Variants in GPR89B observed in about 807,000 individuals in gnomAD.
The protein encoded by GPR89B is G protein-coupled receptor 89B.
GPR89B carries 25 observed loss-of-function variants against 52.4 expected under a neutral mutation model. The observed-to-expected ratio is 0.48, with a 90% CI of 0.35 to 0.67. The LOEUF (loss-of-function observed/expected upper bound fraction) is 0.67, where lower values mean the gene tolerates loss of function less well. Ranked by LOEUF, GPR89B falls within the 30% of genes least tolerant of loss-of-function variation. GPR89B has a pLI of 0.01. For synonymous variants in GPR89B, 52 were observed against 151.2 expected, an observed-to-expected ratio of 0.34 and a Z score of 4.81; for missense variants, 146 against 450.2, an observed-to-expected ratio of 0.32 and a Z score of 6.11.
intron 7 of GPR89B, among the ~76,000 whole-genome samples, chr1:147,955,498 G>T (rs1656051097): frequency 6.6e-6 from 1 of 151,896 alleles, no homozygotes; most frequent in African/African-American, 2.4e-5. Context: ...TTTCCATAGG[G>T]TTGTGCTAAT....
intron 10 of GPR89B, among the ~76,000 whole-genome samples, chr1:147,985,210 G>GGTCATTTC (rs1658577674): frequency 6.6e-6 from 1 of 151,924 alleles, no homozygotes; most frequent in African/African-American, 2.4e-5. Context: ...ATTCTGAAAT[G>GGTCATTTC]ACCCTTTTAA....
At chr1:147,997,679 C>G (rs1485872631), downstream of GPR89B, among the ~76,000 whole-genome samples, 4 of 152,016 alleles carry the variant, frequency 2.6e-5, no homozygotes, top group Non-Finnish European at 5.9e-5. Flanking sequence ...CCTCTCATAC[C>G]TGTATCTATA....
chr1:147,989,750 A>G (rs1658921399), intron 12 of GPR89B, among the ~76,000 whole-genome samples: 1 of 152,166 alleles, frequency 6.6e-6, no homozygotes, highest in Non-Finnish European at 1.5e-5. Context: ...GTCCCTACAA[A>G]GGACATGAAC....
At chr1:147,968,661 T>C (rs1274305299) in intron 8 of GPR89B, 29 of 629,074 alleles carry the variant, frequency 4.6e-5, no homozygotes, top group Non-Finnish European at 7.4e-5. Flanking sequence ...GGTAATTGTT[T>C]GGTGGCGATG....
intron 12 of GPR89B, among the ~76,000 whole-genome samples, chr1:147,989,425 T>C (rs1658895670): frequency 1.3e-5 from 2 of 151,192 alleles, no homozygotes; most frequent in African/African-American, 2.5e-5. Flanking sequence ...TTCAACTATT[T>C]TCTTTTTTTT....
At chr1:147,956,640 T>C (rs1197528807) in intron 7 of GPR89B, among the ~76,000 whole-genome samples, 1 of 151,870 alleles carries the variant, frequency 6.6e-6, no homozygotes, top group Non-Finnish European at 1.5e-5. Flanking sequence ...ACAACATTAA[T>C]AGAAGAAATT....
chr1:147,996,636 T>G, downstream of GPR89B: 4 of 1,611,740 alleles, frequency 2.5e-6, no homozygotes, highest in South Asian at 4.4e-5. Context: ...TCCTCTGTAG[T>G]ATCTGGTGGA....
the GPR89B span, among the ~76,000 whole-genome samples, chr1:148,009,150 A>G: frequency 6.6e-6 from 1 of 151,422 alleles, no homozygotes; most frequent in Non-Finnish European, 1.5e-5. Flanking sequence ...TCCCTCCCCC[A>G]TTGCACAACT....
chr1:147,992,434 A>ATTTCTTACTG (rs1398238400), intron 12 of GPR89B, 68 bp from the exon 13 acceptor site: 2 of 1,528,526 alleles, frequency 1.3e-6, no homozygotes, highest in African/African-American at 2.8e-5. Flanking sequence ...TGTTAACCAT[A>ATTTCTTACTG]TTTCTTACTG....
chr1:147,961,605 G>A (rs1656572208), intron 7 of GPR89B, among the ~76,000 whole-genome samples: 1 of 152,120 alleles, frequency 6.6e-6, no homozygotes, highest in Non-Finnish European at 1.5e-5. Context: ...AGGAGTTTGA[G>A]TGCAGCCTGA....
intron 3 of GPR89B, among the ~76,000 whole-genome samples, chr1:147,942,272 A>C (rs1329178207): frequency 3.3e-5 from 5 of 150,180 alleles, no homozygotes; most frequent in Non-Finnish European, 5.9e-5. Context: ...ACCACTTCAC[A>C]CCAACTAAAA....
chr1:148,007,077 C>CTTT, the GPR89B span, among the ~76,000 whole-genome samples: 1 of 136,578 alleles, frequency 7.3e-6, no homozygotes, highest in Non-Finnish European at 1.6e-5. Context: ...GCATTTTTGG[C>CTTT]TTTTTTTTTT....
chr1:147,932,395 C>T (rs1157057777), intron 1 of GPR89B, among the ~76,000 whole-genome samples: 4 of 151,958 alleles, frequency 2.6e-5, no homozygotes, highest in Admixed American at 6.6e-5. Context: ...TTGTTTACTA[C>T]TAATACAGAG....
chr1:147,931,229 G>C (rs1653572514), intron 1 of GPR89B, among the ~76,000 whole-genome samples: 1 of 151,458 alleles, frequency 6.6e-6, no homozygotes, highest in African/African-American at 2.4e-5. Context: ...TTTAATAACT[G>C]TCCTGCTGAT....
intron 10 of GPR89B, among the ~76,000 whole-genome samples, chr1:147,984,214 T>TA (rs1658499650): frequency 6.8e-6 from 1 of 147,408 alleles, no homozygotes; most frequent in African/African-American, 2.5e-5. Context: ...TTTTAGGAGA[T>TA]ATACCTAATG....
At position 147,931,226 on chromosome 1, in the gene GPR89B, A is replaced by G. The variant is rs755344665; in HGVS notation, c.42+2648A>G. Among the ~76,000 whole-genome samples the G allele has an allele frequency of 3.4e-4, 52 of 151,692 alleles. 1 individual carries two copies. Among genetic ancestry groups the G allele is most frequent in the Non-Finnish European group, 6.9e-4 (47 of 68,026 alleles). On this transcript the variant is annotated intron_variant, in intron 1 of 13. Transcript: ENST00000314163. ...GTCTTTTATAGTTAATTCTTTAATA[A>G]CTGTCCTGCTGATGGCCATCTTTTT...
chr1:147,992,495 T>G lies in GPR89B; in HGVS notation c.1096-7T>G. 6.2e-7 allele frequency: 1 copy of G among 1,611,502 alleles called. No individual in the cohort carries two copies. The highest frequency in any genetic ancestry group is 8.5e-7 in the Non-Finnish European group (1 of 1,179,550). ...CTGCATAAATTTATCTCCCTCTTTC[T>G]TGACAGTTCTTTTATGCCATCTCTA... On this transcript the variant is annotated splice_region_variant and splice_polypyrimidine_tract_variant and intron_variant, in intron 12 of 13. Transcript: ENST00000314163.
At chr1:147,983,568 A>C (rs1658430682) in intron 10 of GPR89B, among the ~76,000 whole-genome samples, 1 of 152,222 alleles carries the variant, frequency 6.6e-6, no homozygotes, top group African/African-American at 2.4e-5. Context: ...CAAAAAACAC[A>C]AGAAAAAATG....
At chr1:147,994,155 C>G (rs1403422363), downstream of GPR89B, 1 of 1,192,112 alleles carries the variant, frequency 8.4e-7, no homozygotes, top group Non-Finnish European at 1.1e-6. Context: ...TAACAGAAGA[C>G]AATCACACAT....
Sources: allele counts gnomAD v4.1 joint callset (sites outside exome capture counted in the v4.1 genomes callset), GRCh38; gene constraint gnomAD v4.1.1; transcripts MANE v1.5; gene names NCBI Gene and HGNC (gene_info 2026-07-23, HGNC 2026-07-21).